The following TIAM1 variants were observed in gnomAD, a reference collection of about 807,000 sequenced individuals.
The protein encoded by TIAM1 is rho guanine nucleotide exchange factor TIAM1.
A neutral mutation model predicts 163.5 loss-of-function variants in TIAM1; 65 were observed. That is an observed-to-expected ratio of 0.40 (90% CI 0.33 to 0.49). The LOEUF is 0.49. TIAM1 is among the 20% of genes least tolerant of loss of function. The pLI is 0.77. For synonymous variants in TIAM1, 833 were observed against 810.1 expected (o/e 1.03, Z -0.48); for missense variants, 1,789 against 2,044.7 (o/e 0.87, Z 2.41).
chr21:31,202,809 G>T (rs558470438), intron 12 of TIAM1, 99 bp downstream of exon 12: 88 of 1,152,168 alleles, frequency 7.6e-5, no homozygotes, highest in Admixed American at 1.6e-4. Flanking sequence ...ATTTATTTTT[G>T]AACTCGTTCC....
intron 6 of TIAM1, among the ~76,000 whole-genome samples, chr21:31,232,385 T>C (rs775805260): frequency 2.0e-5 from 3 of 152,172 alleles, no homozygotes; most frequent in East Asian, 1.9e-4. Context: ...CCATTCTCTA[T>C]CATGAAGCCA....
chr21:31,487,715 G>A (rs552199556), intron 1 of TIAM1, among the ~76,000 whole-genome samples: 39 of 151,750 alleles, frequency 2.6e-4, no homozygotes, highest in Middle Eastern at 3.4e-3. Flanking sequence ...CCGCCACCGC[G>A]CCCGGCTAAT....
intron 2 of TIAM1, among the ~76,000 whole-genome samples, chr21:31,372,453 C>T (rs150696996): frequency 2.6e-4 from 40 of 152,266 alleles, no homozygotes; most frequent in African/African-American, 8.7e-4. Flanking sequence ...CTTAGGGGGG[C>T]ATCTGTGACC....
At chr21:31,380,202 G>A (rs2076754340) in intron 2 of TIAM1, among the ~76,000 whole-genome samples, 1 of 152,164 alleles carries the variant, frequency 6.6e-6, no homozygotes, top group Non-Finnish European at 1.5e-5. Context: ...GGTGGAGGTT[G>A]CAGTTGGAGC....
intron 2 of TIAM1, among the ~76,000 whole-genome samples, chr21:31,324,631 A>G (rs1429313818): frequency 6.6e-6 from 1 of 152,174 alleles, no homozygotes; most frequent in Non-Finnish European, 1.5e-5. Flanking sequence ...GCTCTCAGCC[A>G]TCTTTTCTGC....
At chr21:31,308,750 C>A (rs2074813076) in intron 2 of TIAM1, among the ~76,000 whole-genome samples, 1 of 152,118 alleles carries the variant, frequency 6.6e-6, no homozygotes, top group Admixed American at 6.6e-5. Context: ...CCAGATGAGC[C>A]AGCTGCCAGA....
rs80059428 is a variant in TIAM1 at position 31,330,733 on chromosome 21, T to C, written c.-189+8510A>G. On this transcript the variant is annotated intron_variant, in intron 2 of 27. Transcript: ENST00000541036. The stretch of plus-strand genomic sequence containing the variant: ...GTATGTTTTTAATAGCAGTTTGGTG[T>C]GGGGAGACACACCGAAAGAGAAATG... Among the ~76,000 whole-genome samples the C allele has an allele frequency of 6.6e-3, 1,003 of 152,276 alleles. 13 individuals carry two copies. Among genetic ancestry groups the C allele is most frequent in the African/African-American group, 0.023 (960 of 41,556 alleles).
At position 31,510,385 on chromosome 21, in the gene TIAM1, A is replaced by C. The variant is rs571362631; in HGVS notation, c.-421-46350T>G. 2.6e-5 allele frequency among the ~76,000 whole-genome samples: 4 copies of C among 152,290 alleles called. No individual in the cohort carries two copies. In the South Asian group the frequency reaches 8.3e-4, roughly 32 times the overall value. ...AGATGGATTAGAGCCCACCCTAAGG[A>C]CCTCATTTGCACTTCATCATCTCTT... On this transcript the variant is annotated intron_variant, in intron 1 of 28. Coordinates refer to the TIAM1 transcript ENST00000286827.
At chr21:31,459,928 T>C (rs1257742444) in intron 2 of TIAM1, among the ~76,000 whole-genome samples, 1 of 152,116 alleles carries the variant, frequency 6.6e-6, no homozygotes, top group African/African-American at 2.4e-5. Flanking sequence ...CAGCCTGAGG[T>C]TCCATTATCT....
At chr21:31,472,826 G>A (rs995098575) in intron 1 of TIAM1, among the ~76,000 whole-genome samples, 1 of 152,242 alleles carries the variant, frequency 6.6e-6, no homozygotes, top group African/African-American at 2.4e-5. Flanking sequence ...GGAGGATTAA[G>A]GATTAATATA....
intron 1 of TIAM1, among the ~76,000 whole-genome samples, chr21:31,468,531 C>T (rs2045615856): frequency 6.6e-6 from 1 of 151,648 alleles, no homozygotes; most frequent in Non-Finnish European, 1.5e-5. Context: ...AATCCCAGCA[C>T]TTTGGGAGAC....
rs542899775 is a variant in TIAM1, at chr21:31,557,338, A to G, written c.-422+1589T>C. Among the ~76,000 whole-genome samples the G allele has an allele frequency of 2.0e-5, 3 of 152,302 alleles. No homozygotes were observed. The South Asian group carries it at 6.2e-4, about 32-fold the overall frequency. ...GGAAAGCGACAAGGGGCCATCCTCT[A>G]TTACAGATTTCCTCTAACACAGAAT... On this transcript the variant is annotated intron_variant, in intron 1 of 28. Transcript: ENST00000286827.
chr21:31,146,965 A>G lies in TIAM1; in HGVS notation c.3405T>C (p.Tyr1135=), dbSNP rs2083149494. Residue 1135 remains tyrosine, a synonymous_variant, in exon 20 of 28, where the codon TAT becomes TAC. Transcript: ENST00000541036. ...CACTGTAGAGCTTGAAGCGGTCAGC[A>G]TAATACAGGAATGATCCCCCCAGAG... ...LFSLGGSFLY[Y]ADRFKLYSAF... 3.7e-6 allele frequency: 6 copies of G among 1,614,050 alleles called. No homozygotes were observed. In the African/African-American group the frequency reaches 4.0e-5, roughly 11 times the overall value.
intron 2 of TIAM1, among the ~76,000 whole-genome samples, chr21:31,329,205 G>A (rs1235053402): frequency 2.0e-5 from 3 of 152,208 alleles, no homozygotes; most frequent in African/African-American, 4.8e-5. Context: ...TCTGTATCCA[G>A]AATGTCAGTT....
At chr21:31,167,680 G>T (rs577395273) in intron 15 of TIAM1, among the ~76,000 whole-genome samples, 5 of 152,244 alleles carry the variant, frequency 3.3e-5, no homozygotes, top group African/African-American at 1.2e-4. Flanking sequence ...TTTTGGGACA[G>T]AATTGTGCAC....
At chr21:31,496,414 G>A (rs1249612043) in intron 1 of TIAM1, among the ~76,000 whole-genome samples, 2 of 63,508 alleles carry the variant, frequency 3.1e-5, no homozygotes, top group Non-Finnish European at 6.1e-5. Context: ...AGTTTGCAGT[G>A]AGCCAAGATT....
chr21:31,553,371 C>A (rs969442662), intron 1 of TIAM1, among the ~76,000 whole-genome samples: 1 of 152,132 alleles, frequency 6.6e-6, no homozygotes, highest in Non-Finnish European at 1.5e-5. Context: ...TGGAGATGCA[C>A]ATTCTGCAAG....
intron 2 of TIAM1, among the ~76,000 whole-genome samples, chr21:31,392,580 A>G (rs1310499205): frequency 1.7e-4 from 26 of 151,552 alleles, no homozygotes; most frequent in Non-Finnish European, 2.5e-4. Context: ...CAAAAAAAAA[A>G]AAAAAAAAAA....
intron 1 of TIAM1, among the ~76,000 whole-genome samples, chr21:31,495,719 C>T (rs775519983): frequency 5.9e-5 from 9 of 152,204 alleles, no homozygotes; most frequent in African/African-American, 1.2e-4. Context: ...CCTGTAATCC[C>T]GGCACTTTGG....
Sources: allele counts gnomAD v4.1 joint callset (sites outside exome capture counted in the v4.1 genomes callset), GRCh38; gene constraint gnomAD v4.1.1; transcripts MANE v1.5; gene names NCBI Gene and HGNC (gene_info 2026-07-23, HGNC 2026-07-21).